CIMIP6: variants seen among roughly 807,000 people sequenced by gnomAD.
The protein encoded by CIMIP6 is ciliary microtubule inner protein 6.
the CIMIP6 span, among the ~76,000 whole-genome samples, chr2:54,357,019 G>A: frequency 6.6e-6 from 1 of 152,244 alleles, no homozygotes; most frequent in East Asian, 1.9e-4. Flanking sequence ...ATAAATTATA[G>A]ATAGAATTTT....
the CIMIP6 span, chr2:54,334,836 G>T: frequency 5.2e-6 from 8 of 1,545,156 alleles, no homozygotes; most frequent in African/African-American, 8.2e-5. Flanking sequence ...AATAGAGGAT[G>T]CTGCTATAAC....
At chr2:54,367,052 G>A in the CIMIP6 span, among the ~76,000 whole-genome samples, 1 of 152,052 alleles carries the variant, frequency 6.6e-6, no homozygotes, top group Middle Eastern at 3.2e-3. Flanking sequence ...TTAAGCCCAG[G>A]CATTCTAAAC....
the CIMIP6 span, chr2:54,334,759 T>C: frequency 8.6e-7 from 1 of 1,159,666 alleles, no homozygotes; most frequent in African/African-American, 1.5e-5. Flanking sequence ...TTTACATAAT[T>C]TTGACTCAAT....
At chr2:54,378,782 G>T in the CIMIP6 span, among the ~76,000 whole-genome samples, 48 of 152,248 alleles carry the variant, frequency 3.2e-4, 1 homozygote, top group East Asian at 1.7e-3. Context: ...GTCCCAGCTC[G>T]GTTCCCAAAA....
the CIMIP6 span, among the ~76,000 whole-genome samples, chr2:54,353,886 A>T: frequency 6.6e-6 from 1 of 151,934 alleles, no homozygotes; most frequent in Non-Finnish European, 1.5e-5. Flanking sequence ...TCAAGTTTTT[A>T]CCTTATGGGT....
chr2:54,375,437 T>A, the CIMIP6 span, among the ~76,000 whole-genome samples: 1 of 152,176 alleles, frequency 6.6e-6, no homozygotes, highest in Admixed American at 6.5e-5. Context: ...CCCCTATAGT[T>A]GGGTAAAAAC....
At chr2:54,330,947 C>T in the CIMIP6 span, 4 of 1,612,074 alleles carry the variant, frequency 2.5e-6, no homozygotes, top group East Asian at 8.9e-5. Context: ...TCCCAGGAGG[C>T]TCCTCGCTGC....
At chr2:54,365,441 G>C in the CIMIP6 span, among the ~76,000 whole-genome samples, 1 of 152,114 alleles carries the variant, frequency 6.6e-6, no homozygotes, top group Non-Finnish European at 1.5e-5. Context: ...AACTTCCCAG[G>C]AAAGGAGTTA....
the CIMIP6 span, among the ~76,000 whole-genome samples, chr2:54,355,580 T>G: frequency 6.6e-6 from 1 of 152,042 alleles, no homozygotes; most frequent in African/African-American, 2.4e-5. Flanking sequence ...CTCTATTTCT[T>G]CTTAGTTCTG....
the CIMIP6 span, chr2:54,343,899 T>G: frequency 1.3e-6 from 2 of 1,514,564 alleles, no homozygotes; most frequent in African/African-American, 1.4e-5. Context: ...GGTAAAAACC[T>G]TTTATGTTAT....
the CIMIP6 span, among the ~76,000 whole-genome samples, chr2:54,359,254 G>C: frequency 1.3e-5 from 2 of 152,070 alleles, no homozygotes; most frequent in Admixed American, 1.3e-4. Flanking sequence ...TCCTGGTATG[G>C]TGGTGCCACC....
the CIMIP6 span, among the ~76,000 whole-genome samples, chr2:54,372,979 T>C: frequency 6.6e-6 from 1 of 152,092 alleles, no homozygotes; most frequent in Non-Finnish European, 1.5e-5. Flanking sequence ...TGAGTCCTCT[T>C]TTCCATTCCC....
the CIMIP6 span, among the ~76,000 whole-genome samples, chr2:54,369,820 G>T: frequency 3.9e-5 from 6 of 152,206 alleles, no homozygotes; most frequent in African/African-American, 1.4e-4. Flanking sequence ...GGCATGAAGG[G>T]CATCCCCACT....
the CIMIP6 span, among the ~76,000 whole-genome samples, chr2:54,364,042 T>C: frequency 6.6e-6 from 1 of 152,232 alleles, no homozygotes; most frequent in African/African-American, 2.4e-5. Context: ...AAGTTTATGG[T>C]TCCTCACAAT....
chr2:54,380,051 G>C, the CIMIP6 span, among the ~76,000 whole-genome samples: 1 of 152,020 alleles, frequency 6.6e-6, no homozygotes, highest in Non-Finnish European at 1.5e-5. Context: ...GCTGAGGTGG[G>C]AGGATCGCTT....
At chr2:54,343,211 AC>A in the CIMIP6 span, among the ~76,000 whole-genome samples, 1 of 152,180 alleles carries the variant, frequency 6.6e-6, no homozygotes, top group Non-Finnish European at 1.5e-5. Context: ...ATTTTGTGAA[AC>A]TTTTGTTTCA....
the CIMIP6 span, among the ~76,000 whole-genome samples, chr2:54,366,033 A>T: frequency 3.3e-5 from 5 of 152,296 alleles, no homozygotes; most frequent in East Asian, 1.9e-4. Flanking sequence ...TATGATAGAG[A>T]CTACTACTTG....
the CIMIP6 span, among the ~76,000 whole-genome samples, chr2:54,351,140 T>C: frequency 2.0e-5 from 3 of 152,242 alleles, no homozygotes; most frequent in Non-Finnish European, 2.9e-5. Context: ...TTAACTCAAG[T>C]TGAACAAATG....
At chr2:54,357,679 T>C in the CIMIP6 span, among the ~76,000 whole-genome samples, 1 of 151,078 alleles carries the variant, frequency 6.6e-6, no homozygotes, top group African/African-American at 2.4e-5. Flanking sequence ...CAGGTTCAAG[T>C]GATTCTCCAG....
Sources: allele counts gnomAD v4.1 joint callset (sites outside exome capture counted in the v4.1 genomes callset), GRCh38; gene constraint gnomAD v4.1.1; transcripts MANE v1.5; gene names NCBI Gene and HGNC (gene_info 2026-07-23, HGNC 2026-07-21).